The following SPAM1 variants were observed in gnomAD, a reference collection of about 807,000 sequenced individuals.
SPAM1 encodes hyaluronidase PH-20.
A neutral mutation model predicts 29.6 loss-of-function variants in SPAM1; 22 were observed. The observed-to-expected ratio is 0.74, with a 90% confidence interval of 0.53 to 1.06. The LOEUF (loss-of-function observed/expected upper bound fraction) is 1.06, where lower values mean the gene tolerates loss of function less well. Among genes scored for constraint, SPAM1 ranks in the 50% least tolerant of loss-of-function variants. The pLI is 0.00. For synonymous variants in SPAM1, 194 were observed against 204.6 expected, an observed-to-expected ratio of 0.95 and a Z score of 0.44; for missense variants, 534 against 604.0, an observed-to-expected ratio of 0.88 and a Z score of 1.21.
rs775700391 is a variant in SPAM1, at chr7:123,953,494, C to T, written c.-77C>T. The T allele has an allele frequency of 3.8e-6, 3 of 786,704 alleles. No homozygotes were observed. Among genetic ancestry groups the T allele is most frequent in the Non-Finnish European group, 6.1e-6 (3 of 491,230 alleles). 48.7% of individuals were successfully genotyped at this position (786,704 alleles called of 1,614,324 possible). ...CATTCCATTCCCTTTCATCTGTGCT[C>T]ATACTTTGCATCAGATATTGGGTAA... On this transcript the variant is annotated 5_prime_UTR_variant, in exon 3 of 5. Transcript: ENST00000682466.
At chr7:123,961,702 A>G (rs988124457), downstream of SPAM1, among the ~76,000 whole-genome samples, 6 of 152,020 alleles carry the variant, frequency 3.9e-5, no homozygotes, top group South Asian at 2.1e-4. Flanking sequence ...GCTGTATCCT[A>G]TGTGTATTAG....
intron 4 of SPAM1, among the ~76,000 whole-genome samples, chr7:123,955,675 TC>T (rs1426077276): frequency 3.3e-5 from 5 of 152,126 alleles, no homozygotes; most frequent in Admixed American, 2.0e-4. Context: ...CATCTCTTAT[TC>T]TTTGGATAGA....
In SPAM1 at chr7:123,953,456, A is replaced by G. The variant is rs141530005; in HGVS notation, c.-115A>G. On this transcript the variant is annotated 5_prime_UTR_variant, in exon 3 of 5. Transcript: ENST00000682466. The stretch of plus-strand genomic sequence containing the variant: ...ACTTAATCATTATACCTCTTTATCC[A>G]TCAAAGTGAATTCATTCCATTCCCT... 1.4e-4 allele frequency: 82 copies of G among 585,036 alleles called. No homozygotes were observed. The East Asian group carries it at 2.3e-3, about 16-fold the overall frequency. 36.2% of individuals were successfully genotyped at this position (585,036 alleles called of 1,614,324 possible).
intron 1 of SPAM1, among the ~76,000 whole-genome samples, chr7:123,942,199 G>T (rs1191653111): frequency 1.3e-5 from 2 of 152,088 alleles, no homozygotes; most frequent in African/African-American, 4.8e-5. Flanking sequence ...GGGAAAAAGA[G>T]GAATAGAAGA....
downstream of SPAM1, among the ~76,000 whole-genome samples, chr7:123,964,575 G>T (rs1018808372): frequency 1.3e-5 from 2 of 151,828 alleles, no homozygotes; most frequent in Admixed American, 6.6e-5. Flanking sequence ...CTTAGGCTGG[G>T]ATGCACTAGC....
chr7:123,966,217 G>T (rs184333437), intron 5 of SPAM1, among the ~76,000 whole-genome samples: 1 of 152,128 alleles, frequency 6.6e-6, no homozygotes, highest in African/African-American at 2.4e-5. Context: ...AAACCACAAT[G>T]AGATACCAGC....
At chr7:123,943,004 G>A (rs1162679458) in intron 1 of SPAM1, among the ~76,000 whole-genome samples, 1 of 152,174 alleles carries the variant, frequency 6.6e-6, no homozygotes, top group East Asian at 1.9e-4. Context: ...GAGAAATCAT[G>A]TAGAGAGAAA....
chr7:123,943,307 C>T (rs1007397733), intron 1 of SPAM1, among the ~76,000 whole-genome samples: 3 of 152,020 alleles, frequency 2.0e-5, no homozygotes, highest in African/African-American at 4.8e-5. Flanking sequence ...CAAGTGCACC[C>T]GTCAGAATCC....
At chr7:123,969,745 C>G (rs1584967108) in intron 5 of SPAM1, among the ~76,000 whole-genome samples, 1 of 148,030 alleles carries the variant, frequency 6.8e-6, no homozygotes, top group Admixed American at 6.7e-5. Flanking sequence ...AGCTTTGTTC[C>G]TTTTGCTCAG....
intron 4 of SPAM1, among the ~76,000 whole-genome samples, chr7:123,959,233 G>A (rs1167584641): frequency 6.6e-6 from 1 of 152,012 alleles, no homozygotes; most frequent in African/African-American, 2.4e-5. Flanking sequence ...CAGAGGACGA[G>A]CAAGGGTAAG....
rs1792167433 is a variant in SPAM1, at chr7:123,953,564, C to G, written c.-7C>G. 2 of 1,557,866 alleles carry G rather than the reference C, an allele frequency of 1.3e-6. No homozygotes were observed. Among genetic ancestry groups the G allele is most frequent in the Admixed American group, 1.9e-5 (1 of 53,474 alleles). ...AATAAATGTTTTCATAGTCATTACT[C>G]TTTACAATGGGAGTGCTAAAATTCA... On this transcript the variant is annotated 5_prime_UTR_variant, in exon 3 of 5. Transcript: ENST00000682466.
In SPAM1 at chr7:123,970,119, G is replaced by T. The variant is rs1364941549; in HGVS notation, c.1486-79G>T. On this transcript the variant is annotated intron_variant, in intron 5 of 6. Coordinates refer to the SPAM1 transcript ENST00000340011. ...TTATTCTGTATATCTCCATTAGTTT[G>T]CTAGTGATGCTATAACAAAGTGCCA... 8.4e-6 allele frequency: 12 copies of T among 1,433,356 alleles called. No individual in the cohort carries two copies. In the South Asian group the frequency reaches 1.0e-4, roughly 12 times the overall value. 88.8% of individuals were successfully genotyped at this position (1,433,356 alleles called of 1,614,324 possible).
In SPAM1 at chr7:123,954,281, T is replaced by C; in HGVS notation, c.711T>C (p.Ser237=). The C allele has an allele frequency of 6.2e-7, 1 of 1,612,672 alleles. No individual in the cohort carries two copies. The highest frequency in any genetic ancestry group is 8.5e-7 in the Non-Finnish European group (1 of 1,179,458). The change falls in exon 3 of 5, where the codon AGT becomes AGC. Residue 237 remains serine, a synonymous_variant. Coordinates refer to ENST00000682466, the MANE Select transcript of SPAM1 (RefSeq NM_153189.3). The part of the protein sequence containing the change: ...HHYKKPGYNG[S]CFNVEIKRND... ...ATAAGAAACCCGGTTACAATGGAAG[T>C]TGCTTCAATGTAGAAATAAAAAGAA...
chr7:123,953,616 A>T lies in SPAM1; in HGVS notation c.46A>T (p.Lys16Ter). The change falls in exon 3 of 5, where the codon AAA becomes TAA. Residue 16 changes from lysine to a stop codon, truncating the protein, a stop_gained. Transcript: ENST00000682466. LOFTEE classifies it high-confidence loss of function. ...FKHIFFRSFV[K>*]SSGVSQIVFT... ...GCACATCTTTTTCAGAAGCTTTGTT[A>T]AATCAAGTGGAGTATCCCAGATAGT... 6.2e-7 allele frequency: 1 copy of T among 1,602,308 alleles called. No individual in the cohort carries two copies. The highest frequency in any genetic ancestry group is 8.5e-7 in the Non-Finnish European group (1 of 1,176,608).
chr7:123,970,078 T>C (rs1250205274), intron 5 of SPAM1: 2 of 931,946 alleles, frequency 2.1e-6, no homozygotes, highest in African/African-American at 1.7e-5. Context: ...TTTCTTTACA[T>C]GGAGTCTCCT....
At chr7:123,928,255 A>G (rs149113286) in intron 1 of SPAM1, among the ~76,000 whole-genome samples, 1 of 152,266 alleles carries the variant, frequency 6.6e-6, no homozygotes, top group African/African-American at 2.4e-5. Flanking sequence ...CTCAGTAGCT[A>G]TCCAATCTCA....
At chr7:123,941,086 T>C (rs1188758751) in intron 1 of SPAM1, among the ~76,000 whole-genome samples, 2 of 152,218 alleles carry the variant, frequency 1.3e-5, no homozygotes, top group Non-Finnish European at 2.9e-5. Context: ...AAATTTTATT[T>C]TGGGAACTGC....
intron 1 of SPAM1, among the ~76,000 whole-genome samples, chr7:123,931,584 T>C (rs1444242544): frequency 6.6e-6 from 1 of 152,242 alleles, no homozygotes; most frequent in African/African-American, 2.4e-5. Flanking sequence ...TTTGCTGAAC[T>C]GAAGCGTAAA....
rs901086923 is a variant in SPAM1, at chr7:123,953,457, T to C, written c.-114T>C. On this transcript the variant is annotated 5_prime_UTR_variant, in exon 3 of 5. Transcript: ENST00000682466. ...CTTAATCATTATACCTCTTTATCCA[T>C]CAAAGTGAATTCATTCCATTCCCTT... is the stretch of plus-strand genomic sequence containing the variant. 15 of 585,704 alleles carry C rather than the reference T, an allele frequency of 2.6e-5. No individual in the cohort carries two copies. Among genetic ancestry groups the C allele is most frequent in the Non-Finnish European group, 4.2e-5 (14 of 335,514 alleles). The allele number at this position is 585,704 out of a possible 1,614,324, so 36.3% of individuals were successfully genotyped here. A position where few individuals can be genotyped will look rare whatever the true frequency, so the allele number is the denominator to read the frequency against.
Sources: allele counts gnomAD v4.1 joint callset (sites outside exome capture counted in the v4.1 genomes callset), GRCh38; gene constraint gnomAD v4.1.1; transcripts MANE v1.5; gene names NCBI Gene and HGNC (gene_info 2026-07-23, HGNC 2026-07-21).